The following ATF6B variants were observed in gnomAD, a reference collection of about 807,000 sequenced individuals.
The protein encoded by ATF6B is activating transcription factor 6 beta, also known as cyclic AMP-dependent transcription factor ATF-6 beta.
ATF6B carries 50 observed loss-of-function variants against 83.5 expected under a neutral mutation model. That is an observed-to-expected ratio of 0.60 (90% CI 0.48 to 0.76). The LOEUF is 0.76. Among genes scored for constraint, ATF6B ranks in the 30% least tolerant of loss-of-function variants. The pLI is 0.00. For missense variants in ATF6B, 790 were observed against 893.8 expected (o/e 0.88, Z 1.48); for synonymous variants, 344 against 362.8 (o/e 0.95, Z 0.59).
chr6:32,119,997 G>T lies in ATF6B; in HGVS notation c.833-40C>A, dbSNP rs1293430313. The stretch of plus-strand genomic sequence containing the variant: ...CAGAGGTCAGAGGGCTGTGCGCTGG[G>T]TGGGGTCCTTGTGTCCACACCCACA... On this transcript the variant is annotated intron_variant, in intron 8 of 17. Coordinates refer to ENST00000375203, the MANE Select transcript of ATF6B (RefSeq NM_004381.5). The surrounding 1 kb of genome is among the most constrained non-coding windows in gnomAD (Gnocchi z 4.9). 5 of 1,594,234 alleles carry T rather than the reference G, an allele frequency of 3.1e-6. No individual in the cohort carries two copies. The African/African-American group carries it at 6.7e-5, about 21-fold the overall frequency.
At position 32,120,038 on chromosome 6, in the gene ATF6B, A is replaced by G. The variant is rs538487064; in HGVS notation, c.833-81T>C. 3.3e-5 allele frequency: 50 copies of G among 1,506,326 alleles called. No homozygotes were observed. In the South Asian group the frequency reaches 5.4e-4, roughly 16 times the overall value. 93.3% of individuals were successfully genotyped at this position (1,506,326 alleles called of 1,614,324 possible). On this transcript the variant is annotated intron_variant, in intron 8 of 17. Transcript: ENST00000375203. ...CACACCCACACAAGAGCACCCAAGGATTGGGCAGCCTCAATGGCTGCAAGC... is the reference window on the plus strand; with the variant it reads ...CACACCCACACAAGAGCACCCAAGGGTTGGGCAGCCTCAATGGCTGCAAGC...
At chr6:32,120,088 G>A (rs556771411) in intron 8 of ATF6B, 131 bp from the exon 9 acceptor site, 8 of 1,194,608 alleles carry the variant, frequency 6.7e-6, no homozygotes, top group African/African-American at 3.1e-5. Flanking sequence ...AATGCAGCCC[G>A]CCTCCTTTTC....
chr6:32,120,052 A>G (rs976113459), intron 8 of ATF6B, 95 bp from the exon 9 acceptor site: 6 of 1,452,992 alleles, frequency 4.1e-6, no homozygotes, highest in Non-Finnish European at 5.5e-6. Context: ...GGCAGCCTCA[A>G]TGGCTGCAAG....
At position 32,121,128 on chromosome 6, in the gene ATF6B, T is replaced by C. The variant is rs1243201700; in HGVS notation, c.565-4A>G. 1 of 1,592,838 alleles carries C rather than the reference T, an allele frequency of 6.3e-7. No homozygotes were observed. The highest frequency in any genetic ancestry group is 8.6e-7 in the Non-Finnish European group (1 of 1,169,212). On this transcript the variant is annotated splice_region_variant and splice_polypyrimidine_tract_variant and intron_variant, in intron 6 of 17. Coordinates refer to ENST00000375203, the MANE Select transcript of ATF6B (RefSeq NM_004381.5). ...GGACCTCCTCTCCTATAAAAGCCTA[T>C]GTGGGGCATTCCAGAGATACATTAG...
intron 4 of ATF6B, 67 bp from the exon 5 acceptor site, chr6:32,126,319 T>TA: frequency 6.4e-7 from 1 of 1,563,540 alleles, no homozygotes; most frequent in Non-Finnish European, 8.7e-7. Context: ...ATGTTGACAG[T>TA]AAGAGCGAGA....
chr6:32,119,607 A>G lies in ATF6B; in HGVS notation c.966+217T>C, dbSNP rs919863020. On this transcript the variant is annotated intron_variant, in intron 9 of 17. Transcript: ENST00000375203. This position sits in a 1 kb window ranked among gnomAD's most constrained non-coding sequence, Gnocchi z 4.9. ...AGACCAACCCCATTTCTCCATCTGC[A>G]GTGACAGCAAACCTAAAGGACCCTA... 1.3e-5 allele frequency among the ~76,000 whole-genome samples: 2 copies of G among 152,124 alleles called. No homozygotes were observed. Among genetic ancestry groups the G allele is most frequent in the African/African-American group, 4.8e-5 (2 of 41,408 alleles).
chr6:32,119,280 G>C lies in ATF6B; in HGVS notation c.967-139C>G, dbSNP rs192976848. Reference sequence around the variant, plus strand: ...CCTGACCCACCTACATAGCCAGAGAGGTTTTTCCTCTCTACTCAAACACGC... The same window carrying C: ...CCTGACCCACCTACATAGCCAGAGACGTTTTTCCTCTCTACTCAAACACGC... On this transcript the variant is annotated intron_variant, in intron 9 of 17. Coordinates refer to ENST00000375203, the MANE Select transcript of ATF6B (RefSeq NM_004381.5). This position sits in a 1 kb window ranked among gnomAD's most constrained non-coding sequence, Gnocchi z 4.9. 3.2e-4 allele frequency: 331 copies of C among 1,031,608 alleles called. 1 individual carries two copies. In the African/African-American group the frequency reaches 4.9e-3, roughly 15 times the overall value. 63.9% of individuals were successfully genotyped at this position (1,031,608 alleles called of 1,614,324 possible).
chr6:32,128,183 C>G lies in ATF6B; in HGVS notation c.25G>C (p.Glu9Gln). 2 of 1,612,588 alleles carry G rather than the reference C, an allele frequency of 1.2e-6. No homozygotes were observed. Among genetic ancestry groups the G allele is most frequent in the Non-Finnish European group, 1.7e-6 (2 of 1,179,800 alleles). Residue 9 changes from glutamate (E) to glutamine (Q), a missense_variant, in exon 1 of 18, where the codon GAG (glutamate) becomes CAG (glutamine). Physicochemically the swap from Glu to Gln is conservative, Grantham distance 29. Transcript: ENST00000375203. MAELMLLS[E>Q]IADPTRFFTD... ...AAGAAACGCGTCGGGTCAGCAATCT[C>G]GCTGAGCAGCATCAGCTCCGCCATC...
At chr6:32,121,578 T>C (rs1364924620) in intron 5 of ATF6B, among the ~76,000 whole-genome samples, 1 of 152,094 alleles carries the variant, frequency 6.6e-6, no homozygotes, top group Non-Finnish European at 1.5e-5. Context: ...GGCGCATCCC[T>C]GTGTCCCAGA....
rs1213482767 is a variant in ATF6B, at chr6:32,117,667, G to A, written c.1452C>T (p.Ala484=). 1 of 1,614,184 alleles carries A rather than the reference G, an allele frequency of 6.2e-7. No individual in the cohort carries two copies. The highest frequency in any genetic ancestry group is 8.5e-7 in the Non-Finnish European group (1 of 1,180,018). The change falls in exon 13 of 18, where the codon GCC becomes GCT. Residue 484 remains alanine (A), a synonymous_variant. Transcript: ENST00000375203. The surrounding 1 kb of genome is among the most constrained non-coding windows in gnomAD (Gnocchi z 5.0). ...CTAGGTCTCTTAGTAGTAGCTCCTT[G>A]GCGCCCCCAGGGAAGGCTGTCAGGT... The part of the protein sequence containing the change: ...FSNLTAFPGG[A]KELLLRDLDQ...
At position 32,115,569 on chromosome 6, in the gene ATF6B, G is replaced by C. The variant is rs891212212; in HGVS notation, c.*170C>G. On this transcript the variant is annotated 3_prime_UTR_variant, in exon 18 of 18. Transcript: ENST00000375203. ...TGAGAGGAGCCCTATATTCTGAAAA[G>C]GGATGAGAAGAGAGGTGAACACCCC... is the stretch of plus-strand genomic sequence containing the variant. 35 of 561,900 alleles carry C rather than the reference G, an allele frequency of 6.2e-5. No homozygotes were observed. The South Asian group carries it at 9.7e-4, about 16-fold the overall frequency. The allele number at this position is 561,900 out of a possible 1,614,324, so 34.8% of individuals were successfully genotyped here.
In ATF6B at chr6:32,120,023, C is replaced by T; in HGVS notation, c.833-66G>A. On this transcript the variant is annotated intron_variant, in intron 8 of 17. Transcript: ENST00000375203. ...TGGGGTCCTTGTGTCCACACCCACA[C>T]AAGAGCACCCAAGGATTGGGCAGCC... The T allele has an allele frequency of 3.3e-6, 5 of 1,535,434 alleles. No homozygotes were observed. The South Asian group carries it at 6.1e-5, about 19-fold the overall frequency.
At position 32,126,118 on chromosome 6, in the gene ATF6B, T is replaced by C. The variant is rs761237128; in HGVS notation, c.477A>G (p.Ser159=). ...INVIPTSDDS[S]DVQTKIEPVS... ...ATTGGGGGCAGGCTGTTTTATTACC[T>C]GAGGAATCATCAGAGGTGGGGATAA... The change falls in exon 5 of 18, where the codon TCA becomes TCG. Residue 159 remains serine, a splice_region_variant and synonymous_variant. Coordinates refer to ENST00000375203, the MANE Select transcript of ATF6B (RefSeq NM_004381.5). 6.2e-7 allele frequency: 1 copy of C among 1,614,092 alleles called. No individual in the cohort carries two copies. The highest frequency in any genetic ancestry group is 2.2e-5 in the East Asian group (1 of 44,882).
Position 32,117,313 on chromosome 6 carries a change from C to T in ATF6B, c.1614+10G>A. ...CAAGTGGCCTTCCTTGAACCAGCCA[C>T]CCGCCCTACCTGTCTCTCCTGGGCC... On this transcript the variant is annotated intron_variant, in intron 14 of 17. Transcript: ENST00000375203. The surrounding 1 kb of genome is among the most constrained non-coding windows in gnomAD (Gnocchi z 5.0). The T allele has an allele frequency of 6.2e-7, 1 of 1,612,486 alleles. No homozygotes were observed. Among genetic ancestry groups the T allele is most frequent in the Non-Finnish European group, 8.5e-7 (1 of 1,179,028 alleles).
chr6:32,119,906 G>C lies in ATF6B; in HGVS notation c.884C>G (p.Pro295Arg). Residue 295 changes from proline (P) to arginine (R), a missense_variant, in exon 9 of 18, where the codon CCG (proline) becomes CGG (arginine). Pro to Arg is a moderately radical substitution (Grantham distance 103). Around this residue, in one of 3 missense-constraint regions of ATF6B, gnomAD observed 530 missense variants for 632.6 expected, o/e 0.84. Transcript: ENST00000375203. The surrounding 1 kb of genome is among the most constrained non-coding windows in gnomAD (Gnocchi z 4.9). Reference protein sequence around the residue: ...QGAIRVQPEGPAPSLPRPERK... With the variant: ...QGAIRVQPEGRAPSLPRPERK... The stretch of plus-strand genomic sequence containing the variant: ...CTCAGGCCGTGGTAGAGAGGGAGCC[G>C]GCCCTTCAGGCTGGACTCGAATAGC... 1.2e-6 allele frequency: 2 copies of C among 1,614,112 alleles called. No individual in the cohort carries two copies. Among genetic ancestry groups the C allele is most frequent in the Non-Finnish European group, 1.7e-6 (2 of 1,180,022 alleles).
intron 6 of ATF6B, 43 bp downstream of exon 6, chr6:32,121,220 A>G (rs1229845381): frequency 6.2e-7 from 1 of 1,611,144 alleles, no homozygotes; most frequent in Non-Finnish European, 8.5e-7. Context: ...GTCAGGAGGA[A>G]CTCACTGGAA....
chr6:32,118,960 G>A lies in ATF6B; in HGVS notation c.1148C>T (p.Ala383Val). ...CCAGGGACAGACTGGTCTTACTTCAGCCAGCAGGGCCTCCAGCCGCCGCCG... is the reference window on the plus strand; with the variant it reads ...CCAGGGACAGACTGGTCTTACTTCAACCAGCAGGGCCTCCAGCCGCCGCCG... ...ALRRRLEALL[A>V]ENSELKLGSG... The change falls in exon 10 of 18, where the codon GCT (alanine) becomes GTT (valine). Residue 383 changes from alanine to valine, a missense_variant. Ala to Val is a moderately conservative substitution (Grantham distance 64, BLOSUM62 0). Transcript: ENST00000375203. The surrounding 1 kb of genome is among the most constrained non-coding windows in gnomAD (Gnocchi z 5.2). 6.2e-7 allele frequency: 1 copy of A among 1,613,920 alleles called. No individual in the cohort carries two copies. The highest frequency in any genetic ancestry group is 8.5e-7 in the Non-Finnish European group (1 of 1,179,800).
Position 32,116,845 on chromosome 6 carries a change from G to T in ATF6B, c.1686-30C>A. ...GCAGGTGGGGAAACAGGATTTGAGG[G>T]GAACTAAGCCCAATGCTCAGTTTCT... On this transcript the variant is annotated intron_variant, in intron 15 of 17. Transcript: ENST00000375203. This position sits in a 1 kb window ranked among gnomAD's most constrained non-coding sequence, Gnocchi z 5.1. The T allele has an allele frequency of 6.2e-7, 1 of 1,607,336 alleles. No individual in the cohort carries two copies. Among genetic ancestry groups the T allele is most frequent in the South Asian group, 1.1e-5 (1 of 90,908 alleles).
Position 32,116,030 on chromosome 6 carries a change from AGG to A in ATF6B, c.1883-64_1883-63del. On this transcript the variant is annotated intron_variant, in intron 17 of 17. Coordinates refer to ENST00000375203, the MANE Select transcript of ATF6B (RefSeq NM_004381.5). The surrounding 1 kb of genome is among the most constrained non-coding windows in gnomAD (Gnocchi z 5.1). ...GAGGCAAACAGGGATTGCAGGGAGG[AGG>A]GGAGGAGGTCAGAAAAGTAGAGGTG... is the stretch of plus-strand genomic sequence containing the variant. 7.5e-7 allele frequency: 1 copy of A among 1,327,750 alleles called. No homozygotes were observed. Among genetic ancestry groups the A allele is most frequent in the Non-Finnish European group, 1.1e-6 (1 of 944,052 alleles). The allele number at this position is 1,327,750 out of a possible 1,614,324, so 82.2% of individuals were successfully genotyped here.
Sources: allele counts gnomAD v4.1 joint callset (sites outside exome capture counted in the v4.1 genomes callset), GRCh38; gene constraint gnomAD v4.1.1; regional missense constraint gnomAD v4.1.1; non-coding constraint Gnocchi (gnomAD v3.1); transcripts MANE v1.5; gene names NCBI Gene and HGNC (gene_info 2026-07-23, HGNC 2026-07-21).